Variants in NCKAP5 observed in about 807,000 individuals in gnomAD.
NCKAP5 encodes the protein nck-associated protein 5.
In NCKAP5, 92 loss-of-function variants were observed where a neutral mutation model predicts 167.0. That is an observed-to-expected ratio of 0.55 (90% CI 0.47 to 0.66). The LOEUF is 0.66. Among genes scored for constraint, NCKAP5 ranks in the 30% least tolerant of loss-of-function variants. The probability of loss-of-function intolerance (pLI) is 0.00; values close to 1 mark genes in which losing one functional copy is unlikely to be tolerated. For synonymous variants in NCKAP5, 891 were observed against 877.4 expected (o/e 1.02, Z -0.27); for missense variants, 2,378 against 2,315.0 (o/e 1.03, Z -0.56).
At chr2:133,294,101 T>C (rs904919816) in intron 4 of NCKAP5, among the ~76,000 whole-genome samples, 30 of 152,204 alleles carry the variant, frequency 2.0e-4, no homozygotes, top group African/African-American at 7.0e-4. Flanking sequence ...AGCTCTCTCT[T>C]TGTTTGCTAC....
chr2:132,789,723 GT>G (rs1290153284), intron 13 of NCKAP5, among the ~76,000 whole-genome samples: 1 of 152,170 alleles, frequency 6.6e-6, no homozygotes, highest in African/African-American at 2.4e-5. Flanking sequence ...AGTCATTCTA[GT>G]AGTAGTAATT....
At chr2:133,363,488 A>G (rs1196304473) in intron 3 of NCKAP5, among the ~76,000 whole-genome samples, 3 of 152,220 alleles carry the variant, frequency 2.0e-5, no homozygotes, top group African/African-American at 7.2e-5. Flanking sequence ...AACAACTAGG[A>G]TGTTTCATAA....
At chr2:133,625,756 A>C in the NCKAP5 span, among the ~76,000 whole-genome samples, 4 of 151,696 alleles carry the variant, frequency 2.6e-5, no homozygotes, top group African/African-American at 9.7e-5. Flanking sequence ...CTGTAGTCCC[A>C]GCTACTCCGG....
chr2:133,010,937 T>TA (rs1376943042), intron 6 of NCKAP5, among the ~76,000 whole-genome samples: 10 of 152,170 alleles, frequency 6.6e-5, no homozygotes, highest in Admixed American at 3.9e-4. Context: ...AACTAATTTT[T>TA]AAAAAAATGT....
At chr2:132,858,325 G>T (rs974189398) in intron 11 of NCKAP5, among the ~76,000 whole-genome samples, 3 of 152,140 alleles carry the variant, frequency 2.0e-5, no homozygotes, top group Non-Finnish European at 4.4e-5. Flanking sequence ...CTTCAAAAGA[G>T]GTGGGAGCAC....
chr2:133,504,826 G>GA (rs1209633816), intron 3 of NCKAP5, among the ~76,000 whole-genome samples: 1 of 152,068 alleles, frequency 6.6e-6, no homozygotes, highest in African/African-American at 2.4e-5. Context: ...CTATGTAGTG[G>GA]AAAAATGTTC....
At chr2:133,389,520 G>C (rs764921654) in intron 3 of NCKAP5, among the ~76,000 whole-genome samples, 8 of 152,212 alleles carry the variant, frequency 5.3e-5, no homozygotes, top group Non-Finnish European at 1.0e-4. Flanking sequence ...GTTTTGGTAT[G>C]TATTAGAGAC....
intron 4 of NCKAP5, among the ~76,000 whole-genome samples, chr2:133,272,278 G>A (rs2089549288): frequency 6.6e-6 from 1 of 151,734 alleles, no homozygotes; most frequent in Admixed American, 6.6e-5. Flanking sequence ...TCTAATAAAA[G>A]AGAACACAAA....
chr2:133,672,990 T>C, the NCKAP5 span, among the ~76,000 whole-genome samples: 1 of 152,230 alleles, frequency 6.6e-6, no homozygotes, highest in Non-Finnish European at 1.5e-5. Flanking sequence ...ATAGCAATCT[T>C]GTAAGTGAAG....
At chr2:133,633,133 C>T in the NCKAP5 span, among the ~76,000 whole-genome samples, 1 of 152,100 alleles carries the variant, frequency 6.6e-6, no homozygotes, top group East Asian at 1.9e-4. Flanking sequence ...GGGAAGATGA[C>T]ACAAGAAGAG....
intron 16 of NCKAP5, among the ~76,000 whole-genome samples, chr2:132,763,859 T>C (rs1017871968): frequency 3.3e-5 from 5 of 152,194 alleles, no homozygotes; most frequent in Admixed American, 1.3e-4. Flanking sequence ...GCAGATACTA[T>C]GTCTTATTCC....
the NCKAP5 span, among the ~76,000 whole-genome samples, chr2:133,643,712 A>G: frequency 6.6e-6 from 1 of 152,134 alleles, no homozygotes. Context: ...AAGTGCCTTC[A>G]TGTGGTACCC....
At chr2:133,438,312 G>A (rs1040714073) in intron 3 of NCKAP5, among the ~76,000 whole-genome samples, 21 of 152,320 alleles carry the variant, frequency 1.4e-4, no homozygotes, top group Admixed American at 3.3e-4. Context: ...TTTTTAGCTG[G>A]AATATCAGGG....
intron 4 of NCKAP5, among the ~76,000 whole-genome samples, chr2:133,221,226 C>A (rs2086650347): frequency 6.6e-6 from 1 of 152,072 alleles, no homozygotes; most frequent in Non-Finnish European, 1.5e-5. Context: ...GGCATCTTAG[C>A]AATCCAAAGT....
intron 3 of NCKAP5, among the ~76,000 whole-genome samples, chr2:133,312,753 GCTTT>G (rs979237379): frequency 3.3e-5 from 5 of 152,094 alleles, no homozygotes; most frequent in Admixed American, 6.6e-5. Context: ...TGTATTTTGG[GCTTT>G]CTTTGTTACT....
intron 5 of NCKAP5, among the ~76,000 whole-genome samples, chr2:133,175,924 T>C (rs1372789857): frequency 2.0e-5 from 3 of 152,208 alleles, no homozygotes; most frequent in Non-Finnish European, 4.4e-5. Context: ...TTCCCCATTA[T>C]TAGCACCATC....
intron 3 of NCKAP5, among the ~76,000 whole-genome samples, chr2:133,316,803 G>T (rs1681641260): frequency 6.6e-6 from 1 of 152,256 alleles, no homozygotes; most frequent in South Asian, 2.1e-4. Flanking sequence ...CAAAAGTAAT[G>T]GACCAGATCT....
chr2:132,871,737 G>A (rs1239710920), intron 9 of NCKAP5, among the ~76,000 whole-genome samples: 1 of 152,120 alleles, frequency 6.6e-6, no homozygotes, highest in Non-Finnish European at 1.5e-5. Context: ...ATACACGAAT[G>A]CCTTATTTCT....
chr2:133,038,489 T>A, intron 6 of NCKAP5, among the ~76,000 whole-genome samples: 1 of 151,882 alleles, frequency 6.6e-6, no homozygotes, highest in Non-Finnish European at 1.5e-5. Context: ...ATCAGGGCAT[T>A]GGGAGGGTGG....
Sources: allele counts gnomAD v4.1 joint callset (sites outside exome capture counted in the v4.1 genomes callset), GRCh38; gene constraint gnomAD v4.1.1; transcripts MANE v1.5; gene names NCBI Gene and HGNC (gene_info 2026-07-23, HGNC 2026-07-21).